Variants in FRMPD3 observed in about 807,000 individuals in gnomAD.
FRMPD3 encodes the protein FERM and PDZ domain containing 3.
Under a neutral mutation model 97.9 loss-of-function variants are expected in FRMPD3, and 42 were observed. The ratio of observed to expected loss-of-function variants is 0.43; its 90% CI spans 0.34 to 0.55. The LOEUF (loss-of-function observed/expected upper bound fraction) is 0.55, where lower values mean the gene tolerates loss of function less well. Ranked by LOEUF, FRMPD3 falls within the 20% of genes least tolerant of loss-of-function variation. The pLI is 0.03. For synonymous variants in FRMPD3, 577 were observed against 581.1 expected (o/e 0.99, Z 0.10); for missense variants, 1,303 against 1,457.7 (o/e 0.89, Z 1.73).
At chrX:107,550,933 C>T (rs1921836979) in intron 6 of FRMPD3, among the ~76,000 whole-genome samples, 1 of 111,926 alleles carries the variant, frequency 8.9e-6, no homozygotes, top group South Asian at 3.7e-4. Flanking sequence ...GGTTGGTCCA[C>T]AGGTACCCTG....
rs1277256697 is a variant in FRMPD3 at position 107,600,750 on chromosome X, G to A, written c.2711G>A (p.Gly904Asp). Residue 904 changes from glycine to aspartate, a missense_variant, in exon 15 of 15, where the codon GGC becomes GAC. Transcript: ENST00000683843. ...CCAGTTCCTGAGGACAAAGGGCCTG[G>A]CCACACTAGGGCAGGCCTAGAAATG... The part of the protein sequence containing the change: ...LSPVPEDKGP[G>D]HTRAGLEMSL... The A allele has an allele frequency of 8.3e-7, 1 of 1,204,344 alleles. No homozygotes were observed. Among genetic ancestry groups the A allele is most frequent in the Non-Finnish European group, 1.1e-6 (1 of 892,155 alleles).
intron 1 of FRMPD3, among the ~76,000 whole-genome samples, chrX:107,488,147 T>G (rs1180833342): frequency 8.9e-6 from 1 of 111,825 alleles, no homozygotes; most frequent in Non-Finnish European, 1.9e-5. Context: ...TGCCTACCCA[T>G]GCTGTCAAGG....
rs181198285 is a variant in FRMPD3 at position 107,500,787 on chromosome X, G to A, written c.-7-25795G>A. ...TGTGCCATTGCACTCCAGCCTGGGCGACAGAGTAAGACTCTGTCAAAAAAA... is the reference window on the plus strand; with the variant it reads ...TGTGCCATTGCACTCCAGCCTGGGCAACAGAGTAAGACTCTGTCAAAAAAA... On this transcript the variant is annotated intron_variant, in intron 1 of 14. Coordinates refer to ENST00000683843, the MANE Select transcript of FRMPD3 (RefSeq NM_001388459.1). Among the ~76,000 whole-genome samples the A allele has an allele frequency of 4.7e-3, 421 of 89,121 alleles. 3 individuals are homozygous for A. Among genetic ancestry groups the A allele is most frequent in the South Asian group, 0.025 (43 of 1,745 alleles). 77.4% of individuals were successfully genotyped at this position (89,121 alleles called of 115,157 possible). A position where few individuals can be genotyped will look rare whatever the true frequency, so the allele number is the denominator to read the frequency against.
chrX:107,472,117 A>G (rs1921079226), intron 1 of FRMPD3, among the ~76,000 whole-genome samples: 1 of 112,116 alleles, frequency 8.9e-6, no homozygotes, highest in Non-Finnish European at 1.9e-5. Context: ...GTGTCTGTTC[A>G]TATCCTTTGC....
At chrX:107,491,935 A>G (rs1302860013) in intron 1 of FRMPD3, among the ~76,000 whole-genome samples, 1 of 107,619 alleles carries the variant, frequency 9.3e-6, no homozygotes, top group Non-Finnish European at 1.9e-5. Flanking sequence ...TTACAGAGTA[A>G]TTGTTCTCTC....
intron 13 of FRMPD3, among the ~76,000 whole-genome samples, chrX:107,576,693 A>C (rs902158370): frequency 8.9e-6 from 1 of 112,548 alleles, no homozygotes; most frequent in Non-Finnish European, 1.9e-5. Context: ...TGATTGAGTC[A>C]GCCAATGAAT....
rs146080635 is a variant in FRMPD3 at position 107,463,118 on chromosome X, A to G, written c.-8+13113A>G. Among the ~76,000 whole-genome samples, 223 of 112,562 alleles carry G rather than the reference A, an allele frequency of 2.0e-3. 1 individual carries two copies. Among genetic ancestry groups the G allele is most frequent in the African/African-American group, 6.9e-3 (213 of 31,040 alleles). The stretch of plus-strand genomic sequence containing the variant: ...GATGCTTGTGTAATTATTTTGTTTT[A>G]AAATATTAATATGTACTTGCTATTA... On this transcript the variant is annotated intron_variant, in intron 1 of 14. Transcript: ENST00000683843.
Position 107,599,120 on chromosome X carries a change from A to G in FRMPD3, c.2263+978A>G, listed in dbSNP as rs958486694. On this transcript the variant is annotated intron_variant, in intron 14 of 14. Coordinates refer to ENST00000683843, the MANE Select transcript of FRMPD3 (RefSeq NM_001388459.1). Reference sequence around the variant, plus strand: ...AAAACCTGTCTCTACTAAAAATACAAAAATTAACTGGGTGGGCTGGTGCAC... The same window carrying G: ...AAAACCTGTCTCTACTAAAAATACAGAAATTAACTGGGTGGGCTGGTGCAC... Among the ~76,000 whole-genome samples, 5 of 110,554 alleles carry G rather than the reference A, an allele frequency of 4.5e-5. No homozygotes were observed. The Admixed American group carries it at 4.8e-4, about 11-fold the overall frequency.
At chrX:107,509,898 C>A (rs1462053241) in intron 1 of FRMPD3, among the ~76,000 whole-genome samples, 1 of 111,379 alleles carries the variant, frequency 9.0e-6, no homozygotes, top group Non-Finnish European at 1.9e-5. Context: ...CTATGCTGGG[C>A]ACATAGTAGG....
chrX:107,542,696 T>C (rs1361729135), intron 4 of FRMPD3, among the ~76,000 whole-genome samples: 1 of 112,613 alleles, frequency 8.9e-6, no homozygotes, highest in Admixed American at 9.3e-5. Flanking sequence ...GATGTGTATC[T>C]TAGGGCCCTG....
intron 1 of FRMPD3, among the ~76,000 whole-genome samples, chrX:107,478,621 G>T (rs757159947): frequency 9.0e-6 from 1 of 111,148 alleles, no homozygotes; most frequent in South Asian, 3.8e-4. Flanking sequence ...TCGTCTCCTC[G>T]TTTTAAATCC....
chrX:107,493,194 A>AT (rs1226877357), intron 1 of FRMPD3, among the ~76,000 whole-genome samples: 2 of 107,826 alleles, frequency 1.9e-5, no homozygotes, highest in Non-Finnish European at 3.8e-5. Flanking sequence ...AAAAAAAAAA[A>AT]AAAAAAGACA....
chrX:107,552,225 C>T (rs1175584237), intron 6 of FRMPD3, among the ~76,000 whole-genome samples: 4 of 112,307 alleles, frequency 3.6e-5, no homozygotes, highest in Non-Finnish European at 5.6e-5. Context: ...ATACATTTTT[C>T]GAGTTGCTAA....
chrX:107,574,530 G>C (rs1184256308), intron 12 of FRMPD3, among the ~76,000 whole-genome samples: 2 of 112,330 alleles, frequency 1.8e-5, no homozygotes, highest in East Asian at 5.5e-4. Context: ...TAGAAAATGT[G>C]TGTTGACCCC....
At chrX:107,568,097 A>G (rs779670112) in intron 12 of FRMPD3, among the ~76,000 whole-genome samples, 40 of 110,770 alleles carry the variant, frequency 3.6e-4, no homozygotes, top group Admixed American at 7.7e-4. Context: ...CAGAAGCAAA[A>G]TGGATGATAT....
intron 1 of FRMPD3, among the ~76,000 whole-genome samples, chrX:107,476,038 C>G (rs763269244): frequency 2.7e-5 from 3 of 111,652 alleles, no homozygotes; most frequent in Non-Finnish European, 3.8e-5. Context: ...TGCCTGCCAC[C>G]AGGCCTGGCT....
chrX:107,487,959 T>C (rs181419966), intron 1 of FRMPD3, among the ~76,000 whole-genome samples: 110 of 111,880 alleles, frequency 9.8e-4, no homozygotes, highest in South Asian at 2.7e-3. Context: ...AAGTTAGCAA[T>C]CCTGGGCTGA....
intron 5 of FRMPD3, among the ~76,000 whole-genome samples, chrX:107,546,909 G>T (rs187038432): frequency 1.3e-4 from 15 of 111,383 alleles, no homozygotes; most frequent in African/African-American, 3.3e-4. Context: ...TGAGAAGAAG[G>T]TATAGAGGAC....
At chrX:107,452,456 G>A (rs1931306165) in intron 1 of FRMPD3, among the ~76,000 whole-genome samples, 1 of 112,372 alleles carries the variant, frequency 8.9e-6, no homozygotes, top group South Asian at 3.7e-4. Flanking sequence ...CCGCCTTGCA[G>A]TTGTGGGCTG....
Sources: gnomAD v4.1 joint callset for allele counts (sites outside exome capture counted in the v4.1 genomes callset) on GRCh38, gnomAD v4.1.1 for gene constraint, MANE v1.5 for transcripts, NCBI Gene and HGNC (gene_info 2026-07-23, HGNC 2026-07-21) for gene names.